Variants in PCDHA11 observed in about 807,000 individuals in gnomAD.
The protein encoded by PCDHA11 is protocadherin alpha-11.
Under a neutral mutation model 70.3 loss-of-function variants are expected in PCDHA11, and 61 were observed. That is an observed-to-expected ratio of 0.87 (90% confidence interval 0.71 to 1.07). The LOEUF is 1.07. PCDHA11 is among the 50% of genes least tolerant of loss of function. The probability of loss-of-function intolerance (pLI) is 0.00; values close to 1 mark genes in which losing one functional copy is unlikely to be tolerated. For missense variants in PCDHA11, 1,324 were observed against 1,237.5 expected (o/e 1.07, Z -1.05); for synonymous variants, 633 against 555.1 (o/e 1.14, Z -1.97).
At chr5:140,876,282 C>T (rs1227830598) in intron 1 of PCDHA11, 3 of 1,613,872 alleles carry the variant, frequency 1.9e-6, no homozygotes, top group Admixed American at 1.7e-5. Flanking sequence ...CCGATCCAGA[C>T]GAAGGACTTA....
chr5:140,911,033 G>A lies in PCDHA11; in HGVS notation c.2391+39539G>A, dbSNP rs188656147. 2.0e-3 allele frequency among the ~76,000 whole-genome samples: 306 copies of A among 152,188 alleles called. 2 individuals are homozygous for A. The highest frequency in any genetic ancestry group is 7.0e-3 in the African/African-American group (291 of 41,532). On this transcript the variant is annotated intron_variant, in intron 1 of 3. Transcript: ENST00000398640. ...GGACTTTAGTCTAGTTATAGGTCTA[G>A]AAGCAAACAGGGGTGGTGGGGGGTG...
At chr5:140,914,802 T>C (rs2076849351) in intron 1 of PCDHA11, among the ~76,000 whole-genome samples, 1 of 152,202 alleles carries the variant, frequency 6.6e-6, no homozygotes, top group African/African-American at 2.4e-5. Flanking sequence ...TTTAAACTGA[T>C]GGCAACTTAA....
At chr5:140,996,077 G>A in intron 3 of PCDHA11, among the ~76,000 whole-genome samples, 1 of 152,218 alleles carries the variant, frequency 6.6e-6, no homozygotes, top group East Asian at 1.9e-4. Flanking sequence ...GATTCAAGAT[G>A]TTTTTGCTAG....
At chr5:140,986,437 G>A (rs1554248053) in intron 3 of PCDHA11, among the ~76,000 whole-genome samples, 2 of 152,182 alleles carry the variant, frequency 1.3e-5, no homozygotes, top group Admixed American at 6.5e-5. Flanking sequence ...GAGTACTAAT[G>A]CCCTGAAGAG....
intron 1 of PCDHA11, among the ~76,000 whole-genome samples, chr5:140,952,192 G>A (rs572613863): frequency 1.1e-4 from 16 of 152,198 alleles, no homozygotes; most frequent in African/African-American, 3.9e-4. Flanking sequence ...TCATGGGTTG[G>A]TGTTGAATGC....
intron 1 of PCDHA11, among the ~76,000 whole-genome samples, chr5:140,909,448 C>A (rs547019806): frequency 6.6e-6 from 1 of 152,284 alleles, no homozygotes; most frequent in South Asian, 2.1e-4. Context: ...TGTCATTCTC[C>A]AAGATCCATC....
intron 1 of PCDHA11, among the ~76,000 whole-genome samples, chr5:140,918,467 C>T (rs2078709178): frequency 6.6e-6 from 1 of 152,006 alleles, no homozygotes; most frequent in Non-Finnish European, 1.5e-5. Context: ...TGTCTTATTC[C>T]AAGTCTCAAG....
At chr5:140,943,409 T>C (rs1460668622) in intron 1 of PCDHA11, among the ~76,000 whole-genome samples, 1 of 152,078 alleles carries the variant, frequency 6.6e-6, no homozygotes, top group Non-Finnish European at 1.5e-5. Flanking sequence ...AAATTCAGAC[T>C]AGAGGCAAGG....
chr5:140,977,841 A>G lies in PCDHA11; in HGVS notation c.2392-1108A>G, dbSNP rs76111417. On this transcript the variant is annotated intron_variant, in intron 1 of 3. Transcript: ENST00000398640. The stretch of plus-strand genomic sequence containing the variant: ...TTTTGAATGGTCTATTGATATTACT[A>G]TGGCTTTGTTTCTACCAAATATGGT... Among the ~76,000 whole-genome samples the G allele has an allele frequency of 8.3e-3, 1,257 of 152,348 alleles. 23 individuals carry two copies. Among genetic ancestry groups the G allele is most frequent in the African/African-American group, 0.028 (1,184 of 41,574 alleles).
At chr5:140,913,160 G>A (rs1437493261) in intron 1 of PCDHA11, among the ~76,000 whole-genome samples, 2 of 152,274 alleles carry the variant, frequency 1.3e-5, no homozygotes, top group East Asian at 3.9e-4. Flanking sequence ...AGTAGGATTG[G>A]TATTAGTTCT....
chr5:140,869,392 G>A lies in PCDHA11; in HGVS notation c.289G>A (p.Gly97Arg). Residue 97 changes from glycine (G) to arginine (R), a missense_variant, in exon 1 of 4, where the codon GGG becomes AGG. Coordinates refer to ENST00000398640, the MANE Select transcript of PCDHA11 (RefSeq NM_018902.5). ...NSRIDREELC[G>R]QSAECSIHLE... ...TCGGATCGACCGCGAGGAGCTGTGC[G>A]GGCAGAGCGCGGAGTGCAGCATCCA... is the stretch of plus-strand genomic sequence containing the variant. 1 of 1,614,164 alleles carries A rather than the reference G, an allele frequency of 6.2e-7. No individual in the cohort carries two copies. Among genetic ancestry groups the A allele is most frequent in the Non-Finnish European group, 8.5e-7 (1 of 1,180,038 alleles).
intron 1 of PCDHA11, chr5:140,928,911 A>G: frequency 6.2e-7 from 1 of 1,614,184 alleles, no homozygotes; most frequent in Non-Finnish European, 8.5e-7. Flanking sequence ...TCTGGGAACC[A>G]GGAGGGCAGC....
At chr5:140,912,721 A>G (rs377668484) in intron 1 of PCDHA11, among the ~76,000 whole-genome samples, 2 of 152,066 alleles carry the variant, frequency 1.3e-5, no homozygotes, top group East Asian at 1.9e-4. Flanking sequence ...TCTCCATTCA[A>G]TATGATGTTG....
intron 1 of PCDHA11, among the ~76,000 whole-genome samples, chr5:140,951,315 C>T (rs782114634): frequency 6.6e-6 from 1 of 151,988 alleles, no homozygotes. Context: ...ATGTGTTATT[C>T]TTGAGATTCA....
intron 1 of PCDHA11, among the ~76,000 whole-genome samples, chr5:140,958,548 A>C (rs185504563): frequency 6.6e-6 from 1 of 152,180 alleles, no homozygotes; most frequent in African/African-American, 2.4e-5. Context: ...TTATGAACCA[A>C]TAAATGTTTC....
In PCDHA11 at chr5:140,869,197, C is replaced by T; in HGVS notation, c.94C>T (p.His32Tyr). The T allele has an allele frequency of 6.2e-7, 1 of 1,614,026 alleles. No homozygotes were observed. The highest frequency in any genetic ancestry group is 8.5e-7 in the Non-Finnish European group (1 of 1,179,946). The change falls in exon 1 of 4, where the codon CAC (histidine) becomes TAC (tyrosine). Residue 32 changes from histidine to tyrosine, a missense_variant. Transcript: ENST00000398640. ...EFWEVGSGQLHYSVSEEAKHG... is the reference protein window; with the variant it reads ...EFWEVGSGQLYYSVSEEAKHG... Reference sequence around the variant, plus strand: ...CTGGGAGGTGGGGAGCGGCCAGCTCCACTACTCCGTCTCGGAGGAGGCCAA... The same window carrying T: ...CTGGGAGGTGGGGAGCGGCCAGCTCTACTACTCCGTCTCGGAGGAGGCCAA...
At chr5:140,988,579 C>T (rs1292742279) in intron 3 of PCDHA11, among the ~76,000 whole-genome samples, 2 of 152,266 alleles carry the variant, frequency 1.3e-5, no homozygotes, top group East Asian at 3.9e-4. Context: ...CACTCTGTAC[C>T]TTCCACTTTT....
chr5:140,904,706 A>G (rs1554191662), intron 1 of PCDHA11, among the ~76,000 whole-genome samples: 2 of 151,982 alleles, frequency 1.3e-5, no homozygotes, highest in South Asian at 2.1e-4. Flanking sequence ...TTCCCTTTTC[A>G]CCACATTCTG....
chr5:140,905,722 T>A (rs1326323051), intron 1 of PCDHA11, among the ~76,000 whole-genome samples: 1 of 152,206 alleles, frequency 6.6e-6, no homozygotes, highest in Non-Finnish European at 1.5e-5. Context: ...AGCAGTGTTT[T>A]GTAGTTTTCC....
Sources: allele counts gnomAD v4.1 joint callset (sites outside exome capture counted in the v4.1 genomes callset), GRCh38; gene constraint gnomAD v4.1.1; transcripts MANE v1.5; gene names NCBI Gene and HGNC (gene_info 2026-07-23, HGNC 2026-07-21).